Variants in SEM1 observed in about 807,000 individuals in gnomAD.
SEM1 encodes SEM1 26S proteasome subunit.
A neutral mutation model predicts 12.7 loss-of-function variants in SEM1; 3 were observed. The ratio of observed to expected loss-of-function variants is 0.24; its 90% CI spans 0.11 to 0.61. SEM1 has a LOEUF of 0.61. Among genes scored for constraint, SEM1 ranks in the 20% least tolerant of loss-of-function variants. The pLI, the probability that SEM1 is intolerant of heterozygous loss-of-function variation, is 0.88. For synonymous variants in SEM1, 30 were observed against 27.8 expected, an observed-to-expected ratio of 1.08 and a Z score of -0.25; for missense variants, 59 against 81.3, an observed-to-expected ratio of 0.73 and a Z score of 1.06.
intron 1 of SEM1, among the ~76,000 whole-genome samples, chr7:96,494,505 A>G (rs1233774155): frequency 6.6e-6 from 1 of 152,140 alleles, no homozygotes; most frequent in Non-Finnish European, 1.5e-5. Flanking sequence ...TCATAAATGC[A>G]TAATTTGACA....
At chr7:96,484,600 T>C (rs780342269) in intron 3 of SEM1, among the ~76,000 whole-genome samples, 41 of 152,150 alleles carry the variant, frequency 2.7e-4, no homozygotes, top group Non-Finnish European at 5.9e-5. Flanking sequence ...TGTAAACACA[T>C]CAGTGCCATA....
At chr7:96,493,881 A>G (rs1462808423) in intron 1 of SEM1, among the ~76,000 whole-genome samples, 1 of 152,150 alleles carries the variant, frequency 6.6e-6, no homozygotes, top group Admixed American at 6.5e-5. Flanking sequence ...TCTTCAAAAC[A>G]TATAGGTTCT....
Position 96,709,825 on chromosome 7 carries a change from TCAAGGAAACGCCAC to T in SEM1, c.-76_-63del. On this transcript the variant is annotated 5_prime_UTR_variant, in exon 1 of 3. Transcript: ENST00000248566. ...GAAAAGTTGGAACCCTCACTCTTCC[TCAAGGAAACGCCAC>T]CGTCACTACCGCCTCCGACGCTGAC... 1 of 1,515,064 alleles carries T rather than the reference TCAAGGAAACGCCAC, an allele frequency of 6.6e-7. No homozygotes were observed. Among genetic ancestry groups the T allele is most frequent in the Non-Finnish European group, 9.2e-7 (1 of 1,092,588 alleles). 93.9% of individuals were successfully genotyped at this position (1,515,064 alleles called of 1,614,324 possible). A position where few individuals can be genotyped will look rare whatever the true frequency, so the allele number is the denominator to read the frequency against.
intron 1 of SEM1, among the ~76,000 whole-genome samples, chr7:96,492,522 G>A (rs1175819832): frequency 6.7e-6 from 1 of 150,348 alleles, no homozygotes; most frequent in African/African-American, 2.5e-5. Context: ...TGATCATCCT[G>A]TCTCAGCCTT....
chr7:96,706,248 C>T (rs1790458430), intron 1 of SEM1: 1 of 152,136 alleles, frequency 6.6e-6, no homozygotes, highest in African/African-American at 2.4e-5. Context: ...CCAGATGTTG[C>T]ACTTTACATT....
intron 1 of SEM1, among the ~76,000 whole-genome samples, chr7:96,490,618 C>T (rs1180976827): frequency 6.6e-6 from 1 of 152,106 alleles, no homozygotes; most frequent in East Asian, 1.9e-4. Context: ...AGGCAGGATG[C>T]CTGTTGTCTG....
intron 2 of SEM1, among the ~76,000 whole-genome samples, chr7:96,527,565 G>A (rs4397320): frequency 0.95 from 144,207 of 152,210 alleles, 68,419 homozygotes; most frequent in African/African-American, 0.97. Context: ...CACAGAGTGA[G>A]AAATGTACTT....
chr7:96,501,120 C>T (rs565296696), upstream of SEM1, among the ~76,000 whole-genome samples: 4 of 152,114 alleles, frequency 2.6e-5, no homozygotes, highest in South Asian at 2.1e-4. Flanking sequence ...ACCCTCTGCA[C>T]GTTCTAAGTA....
intron 2 of SEM1, among the ~76,000 whole-genome samples, chr7:96,608,398 C>T (rs1288346026): frequency 6.6e-6 from 1 of 152,038 alleles, no homozygotes; most frequent in Non-Finnish European, 1.5e-5. Context: ...TAAGAATGAT[C>T]CTTTTGTATT....
chr7:96,561,064 G>T (rs79344531), intron 2 of SEM1, among the ~76,000 whole-genome samples: 2 of 152,016 alleles, frequency 1.3e-5, no homozygotes, highest in African/African-American at 4.8e-5. Flanking sequence ...CTTCACGTGT[G>T]TGCCACTGTG....
chr7:96,693,847 T>C (rs1390323177), intron 2 of SEM1, among the ~76,000 whole-genome samples: 1 of 151,610 alleles, frequency 6.6e-6, no homozygotes, highest in Non-Finnish European at 1.5e-5. Flanking sequence ...TACTCAAATA[T>C]ATGTACACGT....
intron 1 of SEM1, among the ~76,000 whole-genome samples, chr7:96,708,397 C>T (rs1004712648): frequency 3.9e-5 from 6 of 152,174 alleles, no homozygotes; most frequent in African/African-American, 1.2e-4. Context: ...ATAAATAGAA[C>T]AAATGTTCCA....
chr7:96,638,352 G>T (rs569484871), intron 2 of SEM1, among the ~76,000 whole-genome samples: 1 of 151,972 alleles, frequency 6.6e-6, no homozygotes, highest in South Asian at 2.1e-4. Context: ...AAACTCAAAG[G>T]ATACTCTATG....
chr7:96,526,664 A>T (rs894126645), intron 2 of SEM1, among the ~76,000 whole-genome samples: 1 of 140,874 alleles, frequency 7.1e-6, no homozygotes, highest in South Asian at 2.4e-4. Context: ...GGATGATAAA[A>T]TGGTTTGTGG....
downstream of SEM1, among the ~76,000 whole-genome samples, chr7:96,672,370 T>C (rs1789339512): frequency 6.6e-6 from 1 of 152,120 alleles, no homozygotes; most frequent in South Asian, 2.1e-4. Flanking sequence ...AGTATTAGCT[T>C]TGAGGGAAGA....
intron 2 of SEM1, among the ~76,000 whole-genome samples, chr7:96,692,336 G>C (rs997659868): frequency 5.3e-5 from 8 of 152,058 alleles, no homozygotes; most frequent in Admixed American, 4.6e-4. Flanking sequence ...GAATGTCAAA[G>C]GAAGAAAACT....
In SEM1 at chr7:96,557,566, G is replaced by T. The variant is rs532588056; in HGVS notation, c.171-50868C>A. ...TGCCCGTTCTCGTATTTCCAGCTGC[G>T]TGCTGGGAGAACCACTGCTCTCTTC... On this transcript the variant is annotated intron_variant and NMD_transcript_variant, in intron 2 of 3. Coordinates refer to the SEM1 transcript ENST00000466986. Among the ~76,000 whole-genome samples the T allele has an allele frequency of 1.2e-4, 11 of 89,840 alleles. 5 individuals are homozygous for T. Among genetic ancestry groups the T allele is most frequent in the Non-Finnish European group, 3.4e-4 (11 of 32,748 alleles). 58.9% of individuals were successfully genotyped at this position (89,840 alleles called of 152,430 possible). A position where few individuals can be genotyped will look rare whatever the true frequency, so the allele number is the denominator to read the frequency against.
At chr7:96,646,414 A>G (rs1303855522) in intron 2 of SEM1, among the ~76,000 whole-genome samples, 1 of 152,194 alleles carries the variant, frequency 6.6e-6, no homozygotes, top group Non-Finnish European at 1.5e-5. Context: ...ATGTTCTGGG[A>G]CCACAGTGAT....
chr7:96,649,465 A>G (rs962964228), intron 2 of SEM1: 11 of 152,310 alleles, frequency 7.2e-5, no homozygotes, highest in East Asian at 3.9e-4. Context: ...GTACAACAAA[A>G]TATCTAGCCG....
Sources: allele counts gnomAD v4.1 joint callset (sites outside exome capture counted in the v4.1 genomes callset), GRCh38; gene constraint gnomAD v4.1.1; transcripts MANE v1.5; gene names NCBI Gene and HGNC (gene_info 2026-07-23, HGNC 2026-07-21).